The following IL1RAPL2 variants were observed in gnomAD, a reference collection of about 807,000 sequenced individuals.
IL1RAPL2 encodes X-linked interleukin-1 receptor accessory protein-like 2.
IL1RAPL2 carries 3 observed loss-of-function variants against 44.1 expected under a neutral mutation model. That is an observed-to-expected ratio of 0.07 (90% CI 0.03 to 0.18). The LOEUF (loss-of-function observed/expected upper bound fraction) is 0.18, where lower values mean the gene tolerates loss of function less well. Ranked by LOEUF, IL1RAPL2 falls within the 10% of genes least tolerant of loss-of-function variation. The probability of loss-of-function intolerance (pLI) is 1.00; values close to 1 mark genes in which losing one functional copy is unlikely to be tolerated. For missense variants in IL1RAPL2, 391 were observed against 496.4 expected (o/e 0.79, Z 2.02); for synonymous variants, 181 against 178.8 (o/e 1.01, Z -0.10).
At chrX:105,426,016 GT>G (rs749722375) in intron 5 of IL1RAPL2, among the ~76,000 whole-genome samples, 409 of 89,458 alleles carry the variant, frequency 4.6e-3, no homozygotes, top group East Asian at 9.0e-3. Context: ...TATTTTTTCT[GT>G]TTTTTTTTTT....
chrX:104,836,181 T>C (rs1921737160), intron 2 of IL1RAPL2, among the ~76,000 whole-genome samples: 1 of 111,174 alleles, frequency 9.0e-6, no homozygotes. Context: ...CACAGCATGT[T>C]CTCACTCATC....
intron 6 of IL1RAPL2, among the ~76,000 whole-genome samples, chrX:105,707,137 T>A (rs1469930822): frequency 8.9e-6 from 1 of 111,795 alleles, no homozygotes; most frequent in African/African-American, 3.3e-5. Flanking sequence ...AACATTGAGG[T>A]TCTTTTCTCC....
chrX:105,534,563 T>C (rs769653423), intron 6 of IL1RAPL2, among the ~76,000 whole-genome samples: 1 of 111,228 alleles, frequency 9.0e-6, no homozygotes, highest in East Asian at 2.8e-4. Flanking sequence ...ATACCCAAAA[T>C]TTTTGAAAAA....
At chrX:104,676,153 T>C (rs1930749306) in intron 2 of IL1RAPL2, among the ~76,000 whole-genome samples, 1 of 110,695 alleles carries the variant, frequency 9.0e-6, no homozygotes, top group Non-Finnish European at 1.9e-5. Context: ...TGATGTTAGC[T>C]GGTTATTTTG....
intron 2 of IL1RAPL2, among the ~76,000 whole-genome samples, chrX:105,175,568 T>C (rs1159864499): frequency 9.0e-6 from 1 of 111,277 alleles, no homozygotes. Context: ...AAAATAACAT[T>C]AGCAATAATA....
At chrX:105,383,100 CCTTAAA>C (rs1031642648) in intron 5 of IL1RAPL2, among the ~76,000 whole-genome samples, 69 of 109,291 alleles carry the variant, frequency 6.3e-4, no homozygotes, top group East Asian at 1.5e-3. Flanking sequence ...GCACATGTAC[CCTTAAA>C]CTTAAAGTAT....
intron 2 of IL1RAPL2, among the ~76,000 whole-genome samples, chrX:105,094,349 C>G (rs1218196393): frequency 9.0e-6 from 1 of 111,334 alleles, no homozygotes; most frequent in East Asian, 2.8e-4. Flanking sequence ...ACAGATAGAT[C>G]CAATAAAATA....
intron 2 of IL1RAPL2, among the ~76,000 whole-genome samples, chrX:104,730,806 C>T (rs1419479109): frequency 9.1e-6 from 1 of 110,320 alleles, no homozygotes; most frequent in African/African-American, 3.3e-5. Context: ...ACACTGACTT[C>T]CACAATGGTT....
intron 6 of IL1RAPL2, among the ~76,000 whole-genome samples, chrX:105,488,618 A>G (rs892431959): frequency 1.8e-5 from 2 of 112,433 alleles, no homozygotes; most frequent in Non-Finnish European, 3.8e-5. Context: ...TATCTAGAGC[A>G]TTATTAATTT....
chrX:104,843,467 T>A (rs1921963525), intron 2 of IL1RAPL2, among the ~76,000 whole-genome samples: 1 of 111,197 alleles, frequency 9.0e-6, no homozygotes, highest in South Asian at 3.9e-4. Context: ...AAAAAACTCC[T>A]GTGGCTACCT....
chrX:105,452,768 A>G (rs2036028472), intron 5 of IL1RAPL2, among the ~76,000 whole-genome samples: 1 of 111,591 alleles, frequency 9.0e-6, no homozygotes, highest in South Asian at 3.8e-4. Flanking sequence ...AGATTTTTCT[A>G]TATTCAACTC....
intron 2 of IL1RAPL2, among the ~76,000 whole-genome samples, chrX:104,846,924 G>T (rs1922067806): frequency 8.9e-6 from 1 of 112,085 alleles, no homozygotes; most frequent in Non-Finnish European, 1.9e-5. Flanking sequence ...TTGTGTTTTT[G>T]ATTTGCATTT....
chrX:104,877,688 T>C (rs1315335557), intron 2 of IL1RAPL2, among the ~76,000 whole-genome samples: 1 of 111,693 alleles, frequency 9.0e-6, no homozygotes, highest in East Asian at 2.8e-4. Flanking sequence ...AATGCAAACA[T>C]CAAACATGAG....
chrX:105,077,074 G>A (rs191025433), intron 2 of IL1RAPL2, among the ~76,000 whole-genome samples: 2,172 of 111,042 alleles, frequency 0.02, 52 homozygotes, highest in African/African-American at 0.067. Flanking sequence ...GTGTGAATTT[G>A]ATCCTGTCAT....
At chrX:104,833,404 AAG>A (rs1156290575) in intron 2 of IL1RAPL2, among the ~76,000 whole-genome samples, 1 of 112,474 alleles carries the variant, frequency 8.9e-6, no homozygotes, top group Non-Finnish European at 1.9e-5. Flanking sequence ...GGAGATCACA[AAG>A]AAATCTTTTC....
chrX:104,636,584 A>G (rs1229644578), intron 1 of IL1RAPL2, among the ~76,000 whole-genome samples: 1 of 111,540 alleles, frequency 9.0e-6, no homozygotes, highest in Non-Finnish European at 1.9e-5. Context: ...TTGCAGTTTG[A>G]TTTCAGACTG....
chrX:104,661,901 C>A (rs1344012712), intron 2 of IL1RAPL2, among the ~76,000 whole-genome samples: 1 of 111,720 alleles, frequency 9.0e-6, no homozygotes, highest in African/African-American at 3.2e-5. Context: ...ACCCTTTATT[C>A]ATTAACATTT....
chrX:105,047,874 T>C (rs1402591604), intron 2 of IL1RAPL2, among the ~76,000 whole-genome samples: 1 of 111,655 alleles, frequency 9.0e-6, no homozygotes, highest in Non-Finnish European at 1.9e-5. Flanking sequence ...GTGAAAAAAC[T>C]TAATCTGGGA....
At chrX:105,148,508 G>C (rs1263358260) in intron 2 of IL1RAPL2, among the ~76,000 whole-genome samples, 1 of 111,881 alleles carries the variant, frequency 8.9e-6, no homozygotes, top group Non-Finnish European at 1.9e-5. Flanking sequence ...TAGAAAATCT[G>C]TTTTGGTGCC....
Sources: gnomAD v4.1 joint callset for allele counts (sites outside exome capture counted in the v4.1 genomes callset) on GRCh38, gnomAD v4.1.1 for gene constraint, MANE v1.5 for transcripts, NCBI Gene and HGNC (gene_info 2026-07-23, HGNC 2026-07-21) for gene names.